The following PSMD5 variants were observed in gnomAD, a reference collection of about 807,000 sequenced individuals.
PSMD5 encodes the protein proteasome 26S subunit, non-ATPase 5.
Under a neutral mutation model 52.1 loss-of-function variants are expected in PSMD5, and 40 were observed. That is an observed-to-expected ratio of 0.77 (90% confidence interval 0.60 to 1.00). The LOEUF is 1.00. Ranked by LOEUF, PSMD5 falls within the 50% of genes least tolerant of loss-of-function variation. PSMD5 has a pLI of 0.00. For synonymous variants in PSMD5, 211 were observed against 226.6 expected (o/e 0.93, Z 0.62); for missense variants, 575 against 605.2 (o/e 0.95, Z 0.52).
At chr9:120,818,200 G>A in intron 9 of PSMD5, 37 bp from the exon 10 acceptor site, 1 of 1,572,124 alleles carries the variant, frequency 6.4e-7, no homozygotes. Flanking sequence ...ATTCCCCTGA[G>A]TGGAAGTTGT....
Position 120,818,011 on chromosome 9 carries a change from T to C in PSMD5, c.1410A>G (p.Ala470=), listed in dbSNP as rs2045057000. The C allele has an allele frequency of 6.2e-7, 1 of 1,614,246 alleles. No homozygotes were observed. Among genetic ancestry groups the C allele is most frequent in the Non-Finnish European group, 8.5e-7 (1 of 1,180,038 alleles). The change falls in exon 10 of 10, where the codon GCA becomes GCG. Residue 470 remains alanine, a synonymous_variant. Coordinates refer to ENST00000210313, the MANE Select transcript of PSMD5 (RefSeq NM_005047.4). ...AATAATTTGGGTTCCCAAAGATTTC[T>C]GCAATTGTCTTGGAATTGGCAAGTG... ...VKALANSKTI[A]EIFGNPNYLR... is the part of the protein sequence containing the mutation.
At chr9:120,831,244 A>G (rs1418882517) in intron 4 of PSMD5, 87 bp downstream of exon 4, 1 of 1,376,344 alleles carries the variant, frequency 7.3e-7, no homozygotes, top group East Asian at 2.4e-5. Flanking sequence ...AACACAGATT[A>G]TATACTTAAT....
chr9:120,841,590 C>CAAACAAAACA (rs75536119), intron 1 of PSMD5, among the ~76,000 whole-genome samples: 29 of 151,728 alleles, frequency 1.9e-4, no homozygotes, highest in Non-Finnish European at 2.1e-4. Context: ...AACAAACAAA[C>CAAACAAAACA]AAACAAAACA....
intron 7 of PSMD5, among the ~76,000 whole-genome samples, chr9:120,823,583 C>A (rs557335442): frequency 3.5e-4 from 52 of 149,356 alleles, no homozygotes; most frequent in Non-Finnish European, 6.8e-4. Flanking sequence ...ATGATCTCAG[C>A]TCACTGCAAC....
At position 120,823,926 on chromosome 9, in the gene PSMD5, T is replaced by C. The variant is rs144761479; in HGVS notation, c.1006+568A>G. ...AGAAGCAGTTGTTATGCCATTTTTA[T>C]AAATGAAGAAAATGAGGCCTAGAAA... On this transcript the variant is annotated intron_variant, in intron 7 of 9. Transcript: ENST00000210313. Among the ~76,000 whole-genome samples, 282 of 152,002 alleles carry C rather than the reference T, an allele frequency of 1.9e-3. 3 individuals are homozygous for C. The highest frequency in any genetic ancestry group is 6.5e-3 in the African/African-American group (268 of 41,452).
chr9:120,827,088 T>G (rs898371031), intron 5 of PSMD5, among the ~76,000 whole-genome samples, 181 bp from the exon 6 acceptor site: 7 of 152,246 alleles, frequency 4.6e-5, no homozygotes, highest in African/African-American at 1.7e-4. Flanking sequence ...TTCTCTGTAA[T>G]CATATTGTTA....
intron 1 of PSMD5, among the ~76,000 whole-genome samples, chr9:120,840,898 G>A (rs1398020839): frequency 6.6e-6 from 1 of 151,976 alleles, no homozygotes; most frequent in African/African-American, 2.4e-5. Flanking sequence ...GATTACAGGC[G>A]TGAGCCACCG....
At chr9:120,830,902 T>A (rs1183602531) in intron 4 of PSMD5, among the ~76,000 whole-genome samples, 3 of 151,500 alleles carry the variant, frequency 2.0e-5, no homozygotes, top group African/African-American at 4.8e-5. Flanking sequence ...TATATATATA[T>A]AAAAAGGGTC....
intron 4 of PSMD5, 109 bp downstream of exon 4, chr9:120,831,222 A>ACT: frequency 8.5e-7 from 1 of 1,178,450 alleles, no homozygotes; most frequent in Admixed American, 2.7e-5. Flanking sequence ...CCCAGCACCT[A>ACT]CTGTAGGGCC....
intron 1 of PSMD5, chr9:120,841,785 A>AT (rs1173688143): frequency 6.6e-6 from 1 of 152,116 alleles, no homozygotes; most frequent in Non-Finnish European, 1.5e-5. Context: ...TCTTGCATAT[A>AT]ATGTTGTAGG....
At chr9:120,841,442 G>A (rs2045235086) in intron 1 of PSMD5, among the ~76,000 whole-genome samples, 1 of 152,080 alleles carries the variant, frequency 6.6e-6, no homozygotes, top group Non-Finnish European at 1.5e-5. Flanking sequence ...AGCCGGGCGT[G>A]GTGGCGGGCG....
At chr9:120,823,971 G>A (rs2045103801) in intron 7 of PSMD5, among the ~76,000 whole-genome samples, 1 of 151,758 alleles carries the variant, frequency 6.6e-6, no homozygotes, top group African/African-American at 2.4e-5. Context: ...AGTAAATGAA[G>A]TTCAAAAAGC....
intron 1 of PSMD5, among the ~76,000 whole-genome samples, chr9:120,839,909 TC>T (rs906669353): frequency 2.1e-5 from 3 of 146,016 alleles, no homozygotes; most frequent in Non-Finnish European, 4.5e-5. Context: ...TCACTTGAGG[TC>T]AGGAGTTCGA....
chr9:120,830,690 T>G (rs947997314), intron 4 of PSMD5, among the ~76,000 whole-genome samples: 1 of 152,260 alleles, frequency 6.6e-6, no homozygotes, highest in South Asian at 2.1e-4. Context: ...CTTGGATCAA[T>G]TGCTCCATCA....
rs2045246334 is a variant in PSMD5, at chr9:120,842,417, A to G, written c.173+320T>C. ...AAGGGGAAACAAATCAAGAACCTGT[A>G]CAAAGAGATGTGGAATGCTCCTTGT... On this transcript the variant is annotated intron_variant, in intron 1 of 9. Coordinates refer to ENST00000210313, the MANE Select transcript of PSMD5 (RefSeq NM_005047.4). 7.7e-6 allele frequency: 3 copies of G among 390,104 alleles called. No homozygotes were observed. In the Admixed American group the frequency reaches 1.3e-4, roughly 17 times the overall value. 24.2% of individuals were successfully genotyped at this position (390,104 alleles called of 1,614,324 possible).
At chr9:120,833,289 C>A in intron 2 of PSMD5, 23 bp downstream of exon 2, 1 of 1,610,772 alleles carries the variant, frequency 6.2e-7, no homozygotes, top group South Asian at 1.1e-5. Context: ...TGGTCAATGT[C>A]GGTTCCTAGT....
At chr9:120,829,937 A>C (rs1388186690) in intron 4 of PSMD5, among the ~76,000 whole-genome samples, 1 of 152,158 alleles carries the variant, frequency 6.6e-6, no homozygotes, top group Non-Finnish European at 1.5e-5. Context: ...GAGAAATGAC[A>C]CAATCAGATT....
At chr9:120,827,796 A>C (rs192691734) in intron 5 of PSMD5, among the ~76,000 whole-genome samples, 1 of 152,376 alleles carries the variant, frequency 6.6e-6, no homozygotes, top group Non-Finnish European at 1.5e-5. Context: ...CTATCATAAC[A>C]GCAAAATACT....
intron 2 of PSMD5, among the ~76,000 whole-genome samples, chr9:120,832,771 C>T (rs555860461): frequency 2.6e-5 from 4 of 152,360 alleles, no homozygotes; most frequent in Admixed American, 1.3e-4. Flanking sequence ...TAGCTCCTAA[C>T]ATTTCAACAA....
Sources: allele counts gnomAD v4.1 joint callset (sites outside exome capture counted in the v4.1 genomes callset), GRCh38; gene constraint gnomAD v4.1.1; transcripts MANE v1.5; gene names NCBI Gene and HGNC (gene_info 2026-07-23, HGNC 2026-07-21).